RGS5: variants seen among roughly 807,000 people sequenced by gnomAD.
RGS5 encodes regulator of G-protein signalling 5.
RGS5 carries 20 observed loss-of-function variants against 18.9 expected under a neutral mutation model. The ratio of observed to expected loss-of-function variants is 1.06; its 90% CI spans 0.74 to 1.54. The LOEUF (loss-of-function observed/expected upper bound fraction) is 1.54. Ranked by LOEUF, RGS5 falls within the 40% of genes most tolerant of loss-of-function variation. The pLI, the probability that RGS5 is intolerant of heterozygous loss-of-function variation, is 0.00. For synonymous variants in RGS5, 57 were observed against 76.2 expected (o/e 0.75, Z 1.31); for missense variants, 201 against 211.8 (o/e 0.95, Z 0.32).
chr1:163,279,555 A>G (rs886417472), intron 2 of RGS5, among the ~76,000 whole-genome samples: 2 of 151,998 alleles, frequency 1.3e-5, no homozygotes, highest in Admixed American at 6.6e-5. Flanking sequence ...GCACTAAACA[A>G]CTACATCAAA....
intron 2 of RGS5, among the ~76,000 whole-genome samples, chr1:163,295,956 T>C (rs984832567): frequency 3.3e-5 from 5 of 152,026 alleles, no homozygotes; most frequent in Non-Finnish European, 7.4e-5. Flanking sequence ...ATGGGCAGAG[T>C]ACAGACAAAG....
chr1:163,182,859 T>C (rs1466990254), intron 1 of RGS5, among the ~76,000 whole-genome samples: 1 of 152,172 alleles, frequency 6.6e-6, no homozygotes, highest in Non-Finnish European at 1.5e-5. Flanking sequence ...TGCGGGACTT[T>C]ATAGACTGAA....
intron 2 of RGS5, among the ~76,000 whole-genome samples, chr1:163,292,692 C>T (rs190545435): frequency 2.0e-5 from 3 of 152,240 alleles, no homozygotes; most frequent in African/African-American, 2.4e-5. Context: ...TGTTTTTTGG[C>T]TTTTTAGTAA....
intron 1 of RGS5, among the ~76,000 whole-genome samples, chr1:163,200,642 G>T (rs560818576): frequency 3.9e-5 from 6 of 152,250 alleles, no homozygotes; most frequent in African/African-American, 1.2e-4. Context: ...TTCTCAGGCA[G>T]CATGGTAATT....
At chr1:163,196,983 C>T (rs1659586612) in intron 1 of RGS5, among the ~76,000 whole-genome samples, 1 of 152,074 alleles carries the variant, frequency 6.6e-6, no homozygotes, top group African/African-American at 2.4e-5. Context: ...TCTACTATAC[C>T]AAATACAGTC....
intron 2 of RGS5, among the ~76,000 whole-genome samples, chr1:163,292,315 C>T (rs1184882476): frequency 1.3e-5 from 2 of 152,180 alleles, no homozygotes; most frequent in Non-Finnish European, 2.9e-5. Context: ...TAATGGCCTC[C>T]AACTCCATCC....
At chr1:163,152,496 C>A in intron 4 of RGS5, 54 bp downstream of exon 4, 1 of 1,528,862 alleles carries the variant, frequency 6.5e-7, no homozygotes, top group Non-Finnish European at 8.8e-7. Context: ...GATGTAAATC[C>A]TTCCTGAGAG....
At position 163,300,379 on chromosome 1, in the gene RGS5, G is replaced by A. The variant is rs936771460; in HGVS notation, c.-281+5854C>T. 7 of 152,184 alleles carry A rather than the reference G, an allele frequency of 4.6e-5. No homozygotes were observed. In the East Asian group the frequency reaches 1.2e-3, roughly 25 times the overall value. 9.4% of individuals were successfully genotyped at this position (152,184 alleles called of 1,614,324 possible). On this transcript the variant is annotated intron_variant, in intron 2 of 5. Transcript: ENST00000618415. ...CCCAAGATGTTTCTGTTCTGAATAC[G>A]ATTGATCGTATTTCTATCCTCTGTG...
chr1:163,206,304 A>AG (rs1235060615), upstream of RGS5, among the ~76,000 whole-genome samples: 2 of 151,934 alleles, frequency 1.3e-5, no homozygotes, highest in African/African-American at 4.8e-5. Context: ...ACCCAGTCTC[A>AG]GGTATTTTGT....
intron 1 of RGS5, among the ~76,000 whole-genome samples, chr1:163,314,304 G>A (rs1396148879): frequency 6.6e-6 from 1 of 152,038 alleles, no homozygotes; most frequent in African/African-American, 2.4e-5. Flanking sequence ...ACTGGCAGCT[G>A]ATTTTTCCAA....
chr1:163,317,562 TTC>T (rs1650060491), intron 1 of RGS5, among the ~76,000 whole-genome samples: 1 of 152,340 alleles, frequency 6.6e-6, no homozygotes, highest in Admixed American at 6.5e-5. Flanking sequence ...GCCCTTTGAG[TTC>T]TTTTTCTCAG....
intron 3 of RGS5, 23 bp downstream of exon 3, chr1:163,161,892 A>G (rs773220040): frequency 1.2e-6 from 2 of 1,604,302 alleles, no homozygotes; most frequent in Non-Finnish European, 1.7e-6. Flanking sequence ...CTTTATTTAA[A>G]AAAACAAACA....
At chr1:163,163,038 TCGG>T (rs1386483866) in intron 2 of RGS5, among the ~76,000 whole-genome samples, 2 of 75,646 alleles carry the variant, frequency 2.6e-5, no homozygotes, top group East Asian at 5.3e-4. Flanking sequence ...CAATGATATT[TCGG>T]GGGGGGGGGT....
chr1:163,308,605 A>C (rs1455037958), intron 1 of RGS5: 2 of 152,218 alleles, frequency 1.3e-5, no homozygotes, highest in Non-Finnish European at 2.9e-5. Context: ...AAAACAGGTC[A>C]ATGGATTGAG....
intron 1 of RGS5, among the ~76,000 whole-genome samples, chr1:163,315,117 A>G (rs1649985037): frequency 6.6e-6 from 1 of 152,058 alleles, no homozygotes; most frequent in Non-Finnish European, 1.5e-5. Flanking sequence ...GTAACCAAAA[A>G]GGACCTGTGC....
intron 1 of RGS5, among the ~76,000 whole-genome samples, chr1:163,174,743 G>T (rs1658472192): frequency 6.6e-6 from 1 of 152,108 alleles, no homozygotes; most frequent in Admixed American, 6.5e-5. Flanking sequence ...AATTTTTCAG[G>T]ATTTAAAAGA....
At position 163,144,790 on chromosome 1, in the gene RGS5, T is replaced by C. The variant is rs1168527548; in HGVS notation, c.*2552A>G. On this transcript the variant is annotated 3_prime_UTR_variant, in exon 5 of 5. Coordinates refer to ENST00000313961, the MANE Select transcript of RGS5 (RefSeq NM_003617.4). ...TAGTAACACTGGATTTTTTTCCCTC[T>C]TTTCTAAGTTTCCAAAAACTTTCAG... 6.6e-6 allele frequency: 1 copy of C among 152,608 alleles called. No individual in the cohort carries two copies. The highest frequency in any genetic ancestry group is 1.5e-5 in the Non-Finnish European group (1 of 68,026). 9.5% of individuals were successfully genotyped at this position (152,608 alleles called of 1,614,324 possible).
At chr1:163,313,094 A>G (rs79358019) in intron 1 of RGS5, among the ~76,000 whole-genome samples, 3,144 of 152,352 alleles carry the variant, frequency 0.021, 56 homozygotes, top group Non-Finnish European at 0.031. Flanking sequence ...TGGTAAGGGG[A>G]TAAACAGTGA....
At chr1:163,232,661 A>T (rs1034164528) in intron 2 of RGS5, among the ~76,000 whole-genome samples, 1 of 152,202 alleles carries the variant, frequency 6.6e-6, no homozygotes, top group Non-Finnish European at 1.5e-5. Context: ...TATTTCATTA[A>T]CTTACCAGTC....
Sources: gnomAD v4.1 joint callset for allele counts (sites outside exome capture counted in the v4.1 genomes callset) on GRCh38, gnomAD v4.1.1 for gene constraint, MANE v1.5 for transcripts, NCBI Gene and HGNC (gene_info 2026-07-23, HGNC 2026-07-21) for gene names.